The following IRAK1 variants were observed in gnomAD, a reference collection of about 807,000 sequenced individuals.
IRAK1 encodes the protein interleukin-1 receptor-associated kinase 1.
IRAK1 carries 9 observed loss-of-function variants against 49.8 expected under a neutral mutation model. The observed-to-expected ratio is 0.18, with a 90% CI of 0.11 to 0.32. IRAK1 has a LOEUF of 0.32. Among genes scored for constraint, IRAK1 ranks in the 10% least tolerant of loss-of-function variants. The pLI is 1.00. For missense variants in IRAK1, 418 were observed against 600.5 expected (o/e 0.70, Z 3.18); for synonymous variants, 282 against 270.8 (o/e 1.04, Z -0.41).
At chrX:154,012,393 G>T in intron 13 of IRAK1, 136 bp downstream of exon 13, 1 of 672,428 alleles carries the variant, frequency 1.5e-6, no homozygotes, top group Non-Finnish European at 2.2e-6. Flanking sequence ...GGGCCGGCTG[G>T]GCTTCTAGAG....
Position 154,011,600 on chromosome X carries a change from A to G in IRAK1, c.*259T>C. ...CCCCTCACGGGTCTGTGCAGCCAGCAGCCTCCCAACATGCGCCAGCCTCCT... is the reference window on the plus strand; with the variant it reads ...CCCCTCACGGGTCTGTGCAGCCAGCGGCCTCCCAACATGCGCCAGCCTCCT... On this transcript the variant is annotated 3_prime_UTR_variant, in exon 14 of 14. Transcript: ENST00000369980. The G allele has an allele frequency of 2.2e-6, 1 of 447,671 alleles. No homozygotes were observed. Among genetic ancestry groups the G allele is most frequent in the Non-Finnish European group, 4.0e-6 (1 of 248,228 alleles). 36.9% of individuals were successfully genotyped at this position (447,671 alleles called of 1,213,427 possible). A position where few individuals can be genotyped will look rare whatever the true frequency, so the allele number is the denominator to read the frequency against.
At position 154,019,777 on chromosome X, in the gene IRAK1, G is replaced by A. The variant is rs782766411; in HGVS notation, c.36C>T (p.Ala12=). The A allele has an allele frequency of 4.4e-6, 4 of 914,466 alleles. No individual in the cohort carries two copies. Among genetic ancestry groups the A allele is most frequent in the Admixed American group, 5.6e-5 (1 of 17,775 alleles). 75.4% of individuals were successfully genotyped at this position (914,466 alleles called of 1,213,427 possible). ...AGGPGPGEPA[A]PGAQHFLYEV... ...CGTACAAGAAGTGCTGGGCGCCGGGGGCTGCGGGCTCCCCCGGGCCCGGCC... is the reference window on the plus strand; with the variant it reads ...CGTACAAGAAGTGCTGGGCGCCGGGAGCTGCGGGCTCCCCCGGGCCCGGCC... The change falls in exon 1 of 14, where the codon GCC becomes GCT. Residue 12 remains alanine, a synonymous_variant. Transcript: ENST00000369980.
chrX:154,017,815 AAAAAAAAAAAAT>A (rs2065750013), intron 7 of IRAK1, among the ~76,000 whole-genome samples, 179 bp downstream of exon 7: 3 of 98,600 alleles, frequency 3.0e-5, no homozygotes, highest in Admixed American at 1.1e-4. Context: ...AAAAAAAAAA[AAAAAAAAAAAAT>A]TGACCCCACC....
At position 154,011,807 on chromosome X, in the gene IRAK1, G is replaced by A; in HGVS notation, c.*52C>T. The A allele has an allele frequency of 1.8e-6, 2 of 1,132,814 alleles. No homozygotes were observed. The highest frequency in any genetic ancestry group is 2.4e-6 in the Non-Finnish European group (2 of 822,922). The allele number at this position is 1,132,814 out of a possible 1,213,427, so 93.4% of individuals were successfully genotyped here. A position where few individuals can be genotyped will look rare whatever the true frequency, so the allele number is the denominator to read the frequency against. ...GGACTCGTGCACCATGAGAACTTCT[G>A]ACCATGAGAACTTTGACTTCCGGAT... On this transcript the variant is annotated 3_prime_UTR_variant, in exon 14 of 14. Transcript: ENST00000369980.
In IRAK1 at chrX:154,010,783, G is replaced by A. The variant is rs2148635824; in HGVS notation, c.*1076C>T. On this transcript the variant is annotated 3_prime_UTR_variant, in exon 14 of 14. Coordinates refer to ENST00000369980, the MANE Select transcript of IRAK1 (RefSeq NM_001569.4). ...GCCTTCCAGGGGCTTCTCACTGTCT[G>A]GGTAACTAGGTCTTGGGCCTAGCTA... The A allele has an allele frequency of 4.0e-6, 1 of 247,290 alleles. No individual in the cohort carries two copies. The highest frequency in any genetic ancestry group is 1.0e-4 in the East Asian group (1 of 9,555). The allele number at this position is 247,290 out of a possible 1,213,427, so 20.4% of individuals were successfully genotyped here.
rs2065714078 is a variant in IRAK1 at position 154,013,270 on chromosome X, G to A, written c.1703C>T (p.Ser568Leu). The change falls in exon 12 of 14, where the codon TCA becomes TTA. Residue 568 changes from serine (S) to leucine (L), a missense_variant. Coordinates refer to ENST00000369980, the MANE Select transcript of IRAK1 (RefSeq NM_001569.4). ...CTCTGCTGCCTGGGCACTGGCTCCT[G>A]ATGGCGCTGCCAGGGGCTGCCATGG... ...AAPWQPLAAP[S>L]GASAQAAEQL... 3 of 1,209,665 alleles carry A rather than the reference G, an allele frequency of 2.5e-6. No homozygotes were observed. The highest frequency in any genetic ancestry group is 3.5e-5 in the South Asian group (2 of 56,927).
intron 10 of IRAK1, 52 bp downstream of exon 10, chrX:154,015,980 G>T: frequency 9.4e-7 from 1 of 1,059,043 alleles, no homozygotes; most frequent in Non-Finnish European, 1.3e-6. Flanking sequence ...GGCTGTGCCT[G>T]CTGGCTGCCA....
At chrX:154,018,166 G>C (rs1557129993) in intron 6 of IRAK1, 46 bp from the exon 7 acceptor site, 1 of 1,109,099 alleles carries the variant, frequency 9.0e-7, no homozygotes, top group Non-Finnish European at 1.2e-6. Flanking sequence ...GACTGGGTGG[G>C]CAGCCCTGGC....
Position 154,011,630 on chromosome X carries a change from GGAT to G in IRAK1, c.*226_*228del. 2.1e-6 allele frequency: 1 copy of G among 481,541 alleles called. No individual in the cohort carries two copies. The highest frequency in any genetic ancestry group is 3.7e-6 in the Non-Finnish European group (1 of 266,906). 39.7% of individuals were successfully genotyped at this position (481,541 alleles called of 1,213,427 possible). A position where few individuals can be genotyped will look rare whatever the true frequency, so the allele number is the denominator to read the frequency against. ...CCCAACATGCGCCAGCCTCCTCACT[GGAT>G]GATGCCAGCCTTCCTTGCCCCCAGA... On this transcript the variant is annotated 3_prime_UTR_variant, in exon 14 of 14. Coordinates refer to ENST00000369980, the MANE Select transcript of IRAK1 (RefSeq NM_001569.4).
intron 8 of IRAK1, 104 bp downstream of exon 8, chrX:154,016,845 G>A: frequency 8.9e-6 from 6 of 673,485 alleles, no homozygotes; most frequent in Admixed American, 2.3e-5. Context: ...GTGCGATGCC[G>A]GGGTGTTGAG....
rs2065769991 is a variant in IRAK1, at chrX:154,019,790, C to T, written c.23G>A (p.Gly8Glu). ...CTGGGCGCCGGGGGCTGCGGGCTCC[C>T]CCGGGCCCGGCCCCCCGGCCATGGC... MAGGPGP[G>E]EPAAPGAQHF... Residue 8 changes from glycine to glutamate, a missense_variant, in exon 1 of 14, where the codon GGG becomes GAG. Physicochemically the swap from Gly to Glu is moderately conservative, Grantham distance 98. Coordinates refer to ENST00000369980, the MANE Select transcript of IRAK1 (RefSeq NM_001569.4). 1.1e-6 allele frequency: 1 copy of T among 892,268 alleles called. No homozygotes were observed. The highest frequency in any genetic ancestry group is 2.1e-5 in the African/African-American group (1 of 47,164). 73.5% of individuals were successfully genotyped at this position (892,268 alleles called of 1,213,427 possible). A position where few individuals can be genotyped will look rare whatever the true frequency, so the allele number is the denominator to read the frequency against.
At chrX:154,019,150 T>C in intron 3 of IRAK1, 47 bp downstream of exon 3, 1 of 1,208,287 alleles carries the variant, frequency 8.3e-7, no homozygotes, top group South Asian at 1.8e-5. Context: ...GTGGTCAAGG[T>C]GGGCTCTTCT....
chrX:154,014,223 T>C lies in IRAK1; in HGVS notation c.1358A>G (p.Gln453Arg). ...AGCCAGACCTGCTTGCAGTGTGCTC[T>C]GGGTGCTTCTCAAAGCCACTCCAGC... ...EEAGVALRST[Q>R]STLQAGLAAD... The change falls in exon 11 of 14, where the codon CAG (glutamine) becomes CGG (arginine). Residue 453 changes from glutamine to arginine, a missense_variant. Transcript: ENST00000369980. The C allele has an allele frequency of 8.3e-7, 1 of 1,209,903 alleles. No individual in the cohort carries two copies.
chrX:154,012,635 C>T lies in IRAK1; in HGVS notation c.1974G>A (p.Pro658=), dbSNP rs782484829. 3.3e-6 allele frequency: 4 copies of T among 1,211,523 alleles called. No homozygotes were observed. Among genetic ancestry groups the T allele is most frequent in the South Asian group, 1.8e-5 (1 of 57,005 alleles). Residue 658 remains proline, a synonymous_variant, in exon 13 of 14, where the codon CCG becomes CCA. Coordinates refer to ENST00000369980, the MANE Select transcript of IRAK1 (RefSeq NM_001569.4). ...GTCGGGCAGGGTTGATGATAATCTG[C>T]GGTGGCTCTGACGACGATGATGCAG... ...GSSASSSSEP[P]QIIINPARQK...
At chrX:154,013,523 C>T (rs1054139830) in intron 11 of IRAK1, 90 bp from the exon 12 acceptor site, 8 of 886,712 alleles carry the variant, frequency 9.0e-6, no homozygotes, top group Non-Finnish European at 1.1e-5. Context: ...CCAGGCCGTC[C>T]GTGACCTGCC....
At chrX:154,017,711 G>A (rs1350683587) in intron 7 of IRAK1, among the ~76,000 whole-genome samples, 8 of 101,627 alleles carry the variant, frequency 7.9e-5, no homozygotes, top group Non-Finnish European at 1.2e-4. Context: ...CAGGAGGATC[G>A]CCTGAACCCG....
In IRAK1 at chrX:154,019,467, G is replaced by A. The variant is rs782775994; in HGVS notation, c.268C>T (p.Leu90=). 12 of 1,140,476 alleles carry A rather than the reference G, an allele frequency of 1.1e-5. No homozygotes were observed. The highest frequency in any genetic ancestry group is 1.4e-5 in the Non-Finnish European group (12 of 849,993). The allele number at this position is 1,140,476 out of a possible 1,213,427, so 94.0% of individuals were successfully genotyped here. ...ATGTCCCGCGCACGGAGCAGCTGCA[G>A]GTGCGTGAGGATGTGCACGAGGTCG... ...VADLVHILTH[L]QLLRARDIIT... The change falls in exon 2 of 14, where the codon CTG becomes TTG. Residue 90 remains leucine (L), a synonymous_variant. Transcript: ENST00000369980.
At position 154,018,589 on chromosome X, in the gene IRAK1, C is replaced by T. The variant is rs368268634; in HGVS notation, c.729+10G>A. 102 of 1,186,236 alleles carry T rather than the reference C, an allele frequency of 8.6e-5. No individual in the cohort carries two copies. The highest frequency in any genetic ancestry group is 4.7e-4 in the Middle Eastern group (2 of 4,284). On this transcript the variant is annotated intron_variant, in intron 5 of 13. Coordinates refer to ENST00000369980, the MANE Select transcript of IRAK1 (RefSeq NM_001569.4). ...GCCTTCCAGGGTCCCTGCCAGGGTG[C>T]GACACTCACCTCCTTCAGCCTCTTC...
chrX:154,012,713 T>A, intron 12 of IRAK1, 35 bp from the exon 13 acceptor site: 1 of 1,190,681 alleles, frequency 8.4e-7, no homozygotes, highest in Middle Eastern at 2.4e-4. Context: ...AGCCTCATGC[T>A]GTGGCTCCCC....
Sources: gnomAD v4.1 joint callset for allele counts (sites outside exome capture counted in the v4.1 genomes callset) on GRCh38, gnomAD v4.1.1 for gene constraint, MANE v1.5 for transcripts, NCBI Gene and HGNC (gene_info 2026-07-23, HGNC 2026-07-21) for gene names.